The following EXOC6B variants were observed in gnomAD, a reference collection of about 807,000 sequenced individuals.
EXOC6B encodes exocyst complex component 6B.
Under a neutral mutation model 113.5 loss-of-function variants are expected in EXOC6B, and 54 were observed. That is an observed-to-expected ratio of 0.48 (90% confidence interval 0.38 to 0.60). The LOEUF (loss-of-function observed/expected upper bound fraction) is 0.60, where lower values mean the gene tolerates loss of function less well. Ranked by LOEUF, EXOC6B falls within the 20% of genes least tolerant of loss-of-function variation. The pLI, the probability that EXOC6B is intolerant of heterozygous loss-of-function variation, is 0.00. For missense variants in EXOC6B, 797 were observed against 977.5 expected, an observed-to-expected ratio of 0.82 and a Z score of 2.46; for synonymous variants, 357 against 339.0, an observed-to-expected ratio of 1.05 and a Z score of -0.58.
At chr2:72,447,378 C>T (rs927841394) in intron 18 of EXOC6B, among the ~76,000 whole-genome samples, 1 of 152,062 alleles carries the variant, frequency 6.6e-6, no homozygotes, top group Non-Finnish European at 1.5e-5. Flanking sequence ...CTGGAAGTAC[C>T]TAGCAATTAT....
chr2:72,578,614 A>G (rs949513995), intron 6 of EXOC6B, among the ~76,000 whole-genome samples: 1 of 152,104 alleles, frequency 6.6e-6, no homozygotes, highest in African/African-American at 2.4e-5. Flanking sequence ...CACGTGTTAA[A>G]AGTCTACATG....
At chr2:72,641,871 G>A (rs1438448730) in intron 6 of EXOC6B, among the ~76,000 whole-genome samples, 1 of 152,212 alleles carries the variant, frequency 6.6e-6, no homozygotes, top group African/African-American at 2.4e-5. Context: ...CCAGAGGAAG[G>A]ATCAGGCAGC....
chr2:72,299,814 G>A lies in EXOC6B; in HGVS notation c.2196+35133C>T, dbSNP rs372438006. ...CAGGCCTCTCTGCTGCAGGTCTGGTGGAGGTTGCTGGAGATCCACTCCAGA... is the reference window on the plus strand; with the variant it reads ...CAGGCCTCTCTGCTGCAGGTCTGGTAGAGGTTGCTGGAGATCCACTCCAGA... On this transcript the variant is annotated intron_variant, in intron 20 of 21. Coordinates refer to ENST00000272427, the MANE Select transcript of EXOC6B (RefSeq NM_015189.3). 7.9e-5 allele frequency among the ~76,000 whole-genome samples: 12 copies of A among 152,256 alleles called. No individual in the cohort carries two copies. The East Asian group carries it at 1.9e-3, about 25-fold the overall frequency.
intron 19 of EXOC6B, among the ~76,000 whole-genome samples, chr2:72,357,922 A>G (rs1690067122): frequency 6.6e-6 from 1 of 152,106 alleles, no homozygotes; most frequent in African/African-American, 2.4e-5. Flanking sequence ...AGTACATTCT[A>G]TGATGTTCAC....
chr2:72,331,177 T>C (rs1194575877), intron 20 of EXOC6B, among the ~76,000 whole-genome samples: 2 of 152,136 alleles, frequency 1.3e-5, no homozygotes, highest in African/African-American at 2.4e-5. Context: ...GTGTGCCTTA[T>C]ATTAGAATCA....
chr2:72,482,359 T>A (rs986259108), intron 16 of EXOC6B, among the ~76,000 whole-genome samples: 24 of 152,338 alleles, frequency 1.6e-4, no homozygotes, highest in African/African-American at 5.8e-4. Flanking sequence ...TTTTTTTGTC[T>A]TTCTTTTCTA....
chr2:72,712,008 T>C (rs1679302563), intron 6 of EXOC6B, among the ~76,000 whole-genome samples: 1 of 152,204 alleles, frequency 6.6e-6, no homozygotes. Context: ...GGTGGACTAC[T>C]GTACAGTACT....
intron 19 of EXOC6B, among the ~76,000 whole-genome samples, chr2:72,348,966 A>G (rs1689491626): frequency 6.6e-6 from 1 of 152,070 alleles, no homozygotes; most frequent in African/African-American, 2.4e-5. Flanking sequence ...TCTCATATAT[A>G]TTTCATATAT....
In EXOC6B at chr2:72,410,172, G is replaced by A. The variant is rs935687128; in HGVS notation, c.1981-30302C>T. Among the ~76,000 whole-genome samples the A allele has an allele frequency of 4.6e-5, 7 of 152,172 alleles. No individual in the cohort carries two copies. The East Asian group carries it at 1.3e-3, about 29-fold the overall frequency. ...AATGTTTCTGTAGGACGACTTTGAA[G>A]CTGCATATTCTGCCACTTGCAACCA... is the stretch of plus-strand genomic sequence containing the variant. On this transcript the variant is annotated intron_variant, in intron 18 of 21. Coordinates refer to ENST00000272427, the MANE Select transcript of EXOC6B (RefSeq NM_015189.3).
chr2:72,615,716 T>C (rs1426192532), intron 6 of EXOC6B, among the ~76,000 whole-genome samples: 2 of 152,276 alleles, frequency 1.3e-5, no homozygotes, highest in South Asian at 2.1e-4. Context: ...TGTACTATAC[T>C]ATACTTTTTA....
intron 1 of EXOC6B, among the ~76,000 whole-genome samples, chr2:72,765,422 C>T (rs1355113260): frequency 3.3e-5 from 5 of 152,138 alleles, no homozygotes; most frequent in African/African-American, 1.2e-4. Flanking sequence ...CCTATAATCC[C>T]AGCACTTTGG....
intron 18 of EXOC6B, among the ~76,000 whole-genome samples, chr2:72,417,135 A>G (rs971056736): frequency 3.9e-5 from 6 of 152,228 alleles, no homozygotes; most frequent in African/African-American, 1.4e-4. Flanking sequence ...AAAATAACAT[A>G]CAACTCATAA....
At chr2:72,419,159 A>T (rs1256325397) in intron 18 of EXOC6B, among the ~76,000 whole-genome samples, 1 of 152,196 alleles carries the variant, frequency 6.6e-6, no homozygotes, top group East Asian at 1.9e-4. Context: ...TATATAGTGT[A>T]TGTCTGAAAA....
At chr2:72,324,281 A>G (rs573401940) in intron 20 of EXOC6B, among the ~76,000 whole-genome samples, 1 of 152,360 alleles carries the variant, frequency 6.6e-6, no homozygotes, top group South Asian at 2.1e-4. Context: ...AGTTACCTCT[A>G]TGCTCAGAAG....
rs114111450 is a variant in EXOC6B, at chr2:72,763,351, C to T, written c.114-21882G>A. On this transcript the variant is annotated intron_variant, in intron 1 of 21. Coordinates refer to ENST00000272427, the MANE Select transcript of EXOC6B (RefSeq NM_015189.3). Reference sequence around the variant, plus strand: ...GTGTTGTTTTGCTGTTTATGTTTATCCTGCTCAAGGAGTTGTTTGAGCTTC... The same window carrying T: ...GTGTTGTTTTGCTGTTTATGTTTATTCTGCTCAAGGAGTTGTTTGAGCTTC... Among the ~76,000 whole-genome samples the T allele has an allele frequency of 9.6e-4, 145 of 151,756 alleles. 1 individual carries two copies. Among genetic ancestry groups the T allele is most frequent in the African/African-American group, 2.9e-3 (122 of 41,418 alleles).
Position 72,178,425 on chromosome 2 carries a change from A to AT in EXOC6B, c.*909dup. 6.6e-6 allele frequency: 1 copy of AT among 152,254 alleles called. No homozygotes were observed. Among genetic ancestry groups the AT allele is most frequent in the East Asian group, 1.9e-4 (1 of 5,202 alleles). 9.4% of individuals were successfully genotyped at this position (152,254 alleles called of 1,614,324 possible). A position where few individuals can be genotyped will look rare whatever the true frequency, so the allele number is the denominator to read the frequency against. ...CCGAAATCTGAACTATTTCAATGGC[A>AT]TTACTGGAGGAGGCTAAGTCTGAAA... is the stretch of plus-strand genomic sequence containing the variant. On this transcript the variant is annotated 3_prime_UTR_variant, in exon 22 of 22. Coordinates refer to ENST00000272427, the MANE Select transcript of EXOC6B (RefSeq NM_015189.3).
intron 6 of EXOC6B, among the ~76,000 whole-genome samples, chr2:72,638,316 A>T (rs1672988979): frequency 6.6e-6 from 1 of 152,170 alleles, no homozygotes; most frequent in African/African-American, 2.4e-5. Flanking sequence ...AAGAAATCTA[A>T]AACCTGAACA....
intron 17 of EXOC6B, among the ~76,000 whole-genome samples, chr2:72,480,182 C>A (rs1473177171): frequency 6.8e-6 from 1 of 147,966 alleles, no homozygotes; most frequent in South Asian, 2.1e-4. Flanking sequence ...CCAGCCTGGG[C>A]AATAGAGCAA....
intron 20 of EXOC6B, among the ~76,000 whole-genome samples, chr2:72,234,975 TG>T (rs1681866144): frequency 6.6e-6 from 1 of 152,210 alleles, no homozygotes; most frequent in Non-Finnish European, 1.5e-5. Flanking sequence ...TCAGCCATTG[TG>T]GAAAGCATGT....
Sources: gnomAD v4.1 joint callset for allele counts (sites outside exome capture counted in the v4.1 genomes callset) on GRCh38, gnomAD v4.1.1 for gene constraint, MANE v1.5 for transcripts, NCBI Gene and HGNC (gene_info 2026-07-23, HGNC 2026-07-21) for gene names.